DDX19A: variants seen among roughly 807,000 people sequenced by gnomAD.
DDX19A encodes ATP-dependent RNA helicase DDX19A.
In DDX19A, 12 loss-of-function variants were observed where a neutral mutation model predicts 60.6. The observed-to-expected ratio is 0.20, with a 90% confidence interval of 0.13 to 0.32. The LOEUF (loss-of-function observed/expected upper bound fraction) is 0.32, where lower values mean the gene tolerates loss of function less well. Ranked by LOEUF, DDX19A falls within the 10% of genes least tolerant of loss-of-function variation. The pLI is 1.00. For missense variants in DDX19A, 337 were observed against 600.6 expected (o/e 0.56, Z 4.59); for synonymous variants, 206 against 218.2 (o/e 0.94, Z 0.49).
intron 10 of DDX19A, 87 bp downstream of exon 10, chr16:70,370,472 C>A: frequency 1.3e-6 from 2 of 1,534,018 alleles, no homozygotes; most frequent in Non-Finnish European, 1.8e-6. Context: ...ACAGGGAAGT[C>A]GGATGGTCTC....
rs1399299456 is a variant in DDX19A, at chr16:70,366,405, T to A, written c.782+143T>A. ...ATTTGTTTGACGGGCCATTTCCATG[T>A]CAGCGCTGATCACAGTCCCTCCCAA... is the stretch of plus-strand genomic sequence containing the variant. On this transcript the variant is annotated intron_variant, in intron 8 of 11. Transcript: ENST00000302243. 14 of 1,332,278 alleles carry A rather than the reference T, an allele frequency of 1.1e-5. No homozygotes were observed. In the East Asian group the frequency reaches 3.4e-4, roughly 33 times the overall value. 82.5% of individuals were successfully genotyped at this position (1,332,278 alleles called of 1,614,324 possible). A position where few individuals can be genotyped will look rare whatever the true frequency, so the allele number is the denominator to read the frequency against.
At chr16:70,355,597 C>T (rs937173010) in intron 3 of DDX19A, 62 bp downstream of exon 3, 35 of 1,300,860 alleles carry the variant, frequency 2.7e-5, no homozygotes, top group Admixed American at 1.4e-4. Flanking sequence ...CTTCCTGGAG[C>T]CAGGGGCACT....
intron 2 of DDX19A, among the ~76,000 whole-genome samples, chr16:70,351,499 A>T (rs1030395887): frequency 6.6e-6 from 1 of 151,486 alleles, no homozygotes; most frequent in Non-Finnish European, 1.5e-5. Flanking sequence ...GAGTCACTGC[A>T]CTTGGCCTAA....
chr16:70,357,604 T>G (rs1400500303), intron 4 of DDX19A, among the ~76,000 whole-genome samples: 1 of 151,842 alleles, frequency 6.6e-6, no homozygotes, highest in Non-Finnish European at 1.5e-5. Context: ...CAGGCTGGTC[T>G]CGAATTCCTG....
At chr16:70,364,419 G>A in intron 5 of DDX19A, 124 bp from the exon 6 acceptor site, 1 of 679,698 alleles carries the variant, frequency 1.5e-6, no homozygotes, top group Non-Finnish European at 2.6e-6. Context: ...GTGCTCAATG[G>A]AGAAAACCTG....
chr16:70,370,530 G>A (rs1326938564), intron 10 of DDX19A, 145 bp downstream of exon 10: 1 of 1,289,902 alleles, frequency 7.8e-7, no homozygotes, highest in African/African-American at 1.5e-5. Flanking sequence ...AGGAGAGACT[G>A]TTTGGATTTC....
At chr16:70,365,780 A>T (rs57326693) in intron 7 of DDX19A, 6,332 of 420,706 alleles carry the variant, frequency 0.015, 365 homozygotes, top group African/African-American at 0.12. Flanking sequence ...ACCCTGTCTC[A>T]AAATAAATAA....
In DDX19A at chr16:70,373,234, A is replaced by G. The variant is rs1041648554; in HGVS notation, c.*1248A>G. 2 of 152,222 alleles carry G rather than the reference A, an allele frequency of 1.3e-5. No individual in the cohort carries two copies. The highest frequency in any genetic ancestry group is 2.4e-5 in the African/African-American group (1 of 41,464). 9.4% of individuals were successfully genotyped at this position (152,222 alleles called of 1,614,324 possible). A position where few individuals can be genotyped will look rare whatever the true frequency, so the allele number is the denominator to read the frequency against. The stretch of plus-strand genomic sequence containing the variant: ...GGTAACAGAGCGAGACCCCGACTCA[A>G]TAAATAAATAAGGATGGATAAATTG... On this transcript the variant is annotated 3_prime_UTR_variant, in exon 12 of 12. Coordinates refer to ENST00000302243, the MANE Select transcript of DDX19A (RefSeq NM_018332.5).
At chr16:70,353,832 C>G (rs1964101757) in intron 2 of DDX19A, among the ~76,000 whole-genome samples, 1 of 145,384 alleles carries the variant, frequency 6.9e-6, no homozygotes, top group African/African-American at 2.6e-5. Flanking sequence ...ACCTGGGGGG[C>G]AAAGGTTGCA....
chr16:70,350,474 T>C, intron 1 of DDX19A, 83 bp from the exon 2 acceptor site: 1 of 1,041,156 alleles, frequency 9.6e-7, no homozygotes, highest in Non-Finnish European at 1.4e-6. Context: ...CACTAGACTT[T>C]TACTAGAAAG....
At chr16:70,360,190 AG>A (rs1229049922) in intron 4 of DDX19A, among the ~76,000 whole-genome samples, 1 of 151,794 alleles carries the variant, frequency 6.6e-6, no homozygotes, top group Non-Finnish European at 1.5e-5. Flanking sequence ...CTGAGGTAGG[AG>A]ACTCGCTTGA....
chr16:70,361,862 C>A (rs940719629), intron 5 of DDX19A, among the ~76,000 whole-genome samples: 11 of 152,164 alleles, frequency 7.2e-5, no homozygotes, highest in African/African-American at 2.6e-4. Context: ...CATGGCAAAA[C>A]CCTGTCTCTA....
intron 1 of DDX19A, among the ~76,000 whole-genome samples, chr16:70,349,175 A>T (rs1453689324): frequency 6.6e-6 from 1 of 152,216 alleles, no homozygotes; most frequent in Non-Finnish European, 1.5e-5. Flanking sequence ...CTAAGTCCAG[A>T]GGAAACCAGG....
rs1225443433 is a variant in DDX19A at position 70,365,301 on chromosome 16, T to C, written c.604+170T>C. 3.5e-5 allele frequency: 16 copies of C among 457,594 alleles called. No homozygotes were observed. The East Asian group carries it at 5.4e-4, about 15-fold the overall frequency. 28.3% of individuals were successfully genotyped at this position (457,594 alleles called of 1,614,324 possible). A position where few individuals can be genotyped will look rare whatever the true frequency, so the allele number is the denominator to read the frequency against. On this transcript the variant is annotated intron_variant, in intron 7 of 11. Transcript: ENST00000302243. ...TACCTGCTAATTTGTTAACAGTCTT[T>C]TTCAGTCTTAAAATAAGATTTTCGG...
intron 7 of DDX19A, chr16:70,365,405 G>A (rs1269661551): frequency 8.4e-6 from 2 of 237,968 alleles, no homozygotes; most frequent in Non-Finnish European, 1.7e-5. Flanking sequence ...GTAGAGTTTT[G>A]AATTTAGCGT....
chr16:70,366,413 G>A, intron 8 of DDX19A, 151 bp downstream of exon 8: 1 of 1,313,022 alleles, frequency 7.6e-7, no homozygotes, highest in Non-Finnish European at 1.1e-6. Flanking sequence ...TGTCAGCGCT[G>A]ATCACAGTCC....
intron 10 of DDX19A, 80 bp downstream of exon 10, chr16:70,370,465 G>A (rs1175813638): frequency 6.5e-7 from 1 of 1,547,156 alleles, no homozygotes; most frequent in African/African-American, 1.4e-5. Flanking sequence ...CTTGTATACA[G>A]GGAAGTCGGA....
chr16:70,356,825 T>G, intron 4 of DDX19A: 1 of 1,187,030 alleles, frequency 8.4e-7, no homozygotes, highest in Non-Finnish European at 1.1e-6. Context: ...GCTAAAAGTC[T>G]TATTTCTCTT....
At chr16:70,360,395 G>A (rs948184404) in intron 4 of DDX19A, among the ~76,000 whole-genome samples, 2 of 145,262 alleles carry the variant, frequency 1.4e-5, no homozygotes, top group Admixed American at 7.2e-5. Context: ...ATCATGGCTC[G>A]CTATAGTCTC....
Sources: gnomAD v4.1 joint callset for allele counts (sites outside exome capture counted in the v4.1 genomes callset) on GRCh38, gnomAD v4.1.1 for gene constraint, MANE v1.5 for transcripts, NCBI Gene and HGNC (gene_info 2026-07-23, HGNC 2026-07-21) for gene names.